MAMDC2: variants seen among roughly 807,000 people sequenced by gnomAD.
MAMDC2 encodes MAM domain containing 2.
MAMDC2 carries 57 observed loss-of-function variants against 89.8 expected under a neutral mutation model. The observed-to-expected ratio is 0.63, with a 90% CI of 0.51 to 0.79. The LOEUF is 0.79. MAMDC2 is among the 30% of genes least tolerant of loss of function. MAMDC2 has a pLI of 0.00. For synonymous variants in MAMDC2, 313 were observed against 293.4 expected, an observed-to-expected ratio of 1.07 and a Z score of -0.68; for missense variants, 800 against 820.6, an observed-to-expected ratio of 0.97 and a Z score of 0.31.
intron 11 of MAMDC2, among the ~76,000 whole-genome samples, chr9:70,204,322 G>A (rs1337115391): frequency 2.6e-5 from 4 of 151,916 alleles, no homozygotes; most frequent in African/African-American, 4.8e-5. Context: ...ACTGTGTGAG[G>A]TGTCAGTGTG....
chr9:70,217,231 A>G, intron 11 of MAMDC2: 6 of 843,940 alleles, frequency 7.1e-6, no homozygotes, highest in Non-Finnish European at 1.2e-5. Context: ...TGGGTACAAG[A>G]TCTACCCGGG....
At chr9:70,222,606 T>C (rs1322212961) in intron 12 of MAMDC2, among the ~76,000 whole-genome samples, 1 of 152,192 alleles carries the variant, frequency 6.6e-6, no homozygotes, top group African/African-American at 2.4e-5. Context: ...TTATTAGTGC[T>C]AAGCAGAAAC....
intron 12 of MAMDC2, among the ~76,000 whole-genome samples, chr9:70,221,378 T>TAGAGAGAGAGAGAGAGAG (rs1212981557): frequency 3.6e-4 from 2 of 5,498 alleles, no homozygotes; most frequent in Non-Finnish European, 8.2e-4. Flanking sequence ...TATATATATA[T>TAGAGAGAGAGAGAGAGAG]ATAGAGAGAG....
At chr9:70,120,737 A>T (rs1294603180) in intron 5 of MAMDC2, among the ~76,000 whole-genome samples, 2 of 152,218 alleles carry the variant, frequency 1.3e-5, no homozygotes, top group Non-Finnish European at 2.9e-5. Flanking sequence ...AGATAGGAGA[A>T]GTCTCACGTA....
intron 11 of MAMDC2, among the ~76,000 whole-genome samples, chr9:70,186,131 T>C (rs573827365): frequency 2.0e-5 from 3 of 151,196 alleles, no homozygotes; most frequent in African/African-American, 7.2e-5. Flanking sequence ...AGCCTAGTAT[T>C]TGCTTTATAT....
intron 2 of MAMDC2, among the ~76,000 whole-genome samples, chr9:70,095,477 A>G (rs1828006445): frequency 6.6e-6 from 1 of 152,204 alleles, no homozygotes; most frequent in African/African-American, 2.4e-5. Context: ...TGAGATTGAT[A>G]GAATTTTGGA....
chr9:70,113,151 G>T lies in MAMDC2; in HGVS notation c.643+19G>T. On this transcript the variant is annotated intron_variant, in intron 5 of 13. Transcript: ENST00000377182. ...GAACTGGGTGAGCTGGGATCAAATAGAGTCCTTTTCCCAGGATAAATTTTT... is the reference window on the plus strand; with the variant it reads ...GAACTGGGTGAGCTGGGATCAAATATAGTCCTTTTCCCAGGATAAATTTTT... 1 of 1,613,184 alleles carries T rather than the reference G, an allele frequency of 6.2e-7. No homozygotes were observed. The highest frequency in any genetic ancestry group is 8.5e-7 in the Non-Finnish European group (1 of 1,179,710).
intron 2 of MAMDC2, among the ~76,000 whole-genome samples, chr9:70,097,514 T>C (rs1297795056): frequency 6.6e-6 from 1 of 152,252 alleles, no homozygotes; most frequent in East Asian, 1.9e-4. Context: ...AATTTTGTGC[T>C]GCTCTATAAA....
intron 2 of MAMDC2, among the ~76,000 whole-genome samples, chr9:70,072,726 G>A (rs2975909): frequency 0.016 from 2,464 of 151,902 alleles, 69 homozygotes; most frequent in African/African-American, 0.057. Context: ...AAATAATTGT[G>A]TCTATCTCTG....
chr9:70,086,871 C>T (rs1827780800), intron 2 of MAMDC2: 1 of 152,076 alleles, frequency 6.6e-6, no homozygotes, highest in Non-Finnish European at 1.5e-5. Context: ...TCTAACAAAA[C>T]CTTACAAGAA....
At chr9:70,215,105 G>A (rs2033420029) in intron 11 of MAMDC2, among the ~76,000 whole-genome samples, 1 of 152,144 alleles carries the variant, frequency 6.6e-6, no homozygotes, top group Admixed American at 6.5e-5. Flanking sequence ...GGCACTCCAG[G>A]GTCAAAAGGT....
intron 2 of MAMDC2, among the ~76,000 whole-genome samples, chr9:70,102,413 T>G (rs529024187): frequency 6.6e-6 from 1 of 152,308 alleles, no homozygotes; most frequent in Admixed American, 6.5e-5. Flanking sequence ...ACTTGTGCCC[T>G]GACCATGCTG....
intron 2 of MAMDC2, among the ~76,000 whole-genome samples, chr9:70,102,704 A>T (rs1382177489): frequency 2.0e-5 from 3 of 151,106 alleles, no homozygotes; most frequent in East Asian, 1.9e-4. Flanking sequence ...CTTACTTTTT[A>T]AAAAAATCTA....
chr9:70,220,210 C>T (rs2033531032), intron 12 of MAMDC2, among the ~76,000 whole-genome samples: 1 of 152,190 alleles, frequency 6.6e-6, no homozygotes. Flanking sequence ...AACTTATCAG[C>T]ATCTAGGCCT....
At chr9:70,102,894 T>G (rs1028853066) in intron 2 of MAMDC2, among the ~76,000 whole-genome samples, 9 of 152,248 alleles carry the variant, frequency 5.9e-5, no homozygotes, top group Non-Finnish European at 1.3e-4. Flanking sequence ...CCTGGCCTGA[T>G]GCATCACAGT....
intron 11 of MAMDC2, among the ~76,000 whole-genome samples, chr9:70,178,550 TAAAC>T (rs750693896): frequency 9.9e-5 from 15 of 152,142 alleles, no homozygotes; most frequent in South Asian, 2.1e-4. Context: ...AATTAATGCA[TAAAC>T]AAACAAAGGT....
intron 2 of MAMDC2, among the ~76,000 whole-genome samples, chr9:70,089,964 GT>G (rs1440028216): frequency 6.6e-6 from 1 of 152,088 alleles, no homozygotes; most frequent in East Asian, 1.9e-4. Flanking sequence ...AACTCATTAA[GT>G]TCTGCATTGA....
At chr9:70,129,450 T>C (rs2030700335) in intron 6 of MAMDC2, among the ~76,000 whole-genome samples, 1 of 152,182 alleles carries the variant, frequency 6.6e-6, no homozygotes, top group Admixed American at 6.5e-5. Context: ...TATGTCTTTA[T>C]CAGCAGCATT....
intron 5 of MAMDC2, among the ~76,000 whole-genome samples, chr9:70,124,418 G>A (rs1291019410): frequency 6.6e-6 from 1 of 152,100 alleles, no homozygotes; most frequent in Non-Finnish European, 1.5e-5. Context: ...TTGGCAAAAC[G>A]ATAAGGTAAA....
Sources: gnomAD v4.1 joint callset for allele counts (sites outside exome capture counted in the v4.1 genomes callset) on GRCh38, gnomAD v4.1.1 for gene constraint, MANE v1.5 for transcripts, NCBI Gene and HGNC (gene_info 2026-07-23, HGNC 2026-07-21) for gene names.